Variants in TBC1D5 observed in about 807,000 individuals in gnomAD.
TBC1D5 encodes the protein TBC1 domain family, member 5.
In TBC1D5, 75 loss-of-function variants were observed where a neutral mutation model predicts 100.3. The observed-to-expected ratio is 0.75, with a 90% CI of 0.62 to 0.91. TBC1D5 has a LOEUF of 0.91. Among genes scored for constraint, TBC1D5 ranks in the 40% least tolerant of loss-of-function variants. The pLI, the probability that TBC1D5 is intolerant of heterozygous loss-of-function variation, is 0.00. For synonymous variants in TBC1D5, 323 were observed against 325.6 expected (o/e 0.99, Z 0.09); for missense variants, 910 against 942.4 (o/e 0.97, Z 0.45).
At chr3:17,653,358 AC>A in intron 1 of TBC1D5, among the ~76,000 whole-genome samples, 1 of 152,200 alleles carries the variant, frequency 6.6e-6, no homozygotes, top group Non-Finnish European at 1.5e-5. Flanking sequence ...CAGTAATAAG[AC>A]ATCATTTACC....
At chr3:17,186,867 AG>A (rs2069186663) in intron 18 of TBC1D5, among the ~76,000 whole-genome samples, 1 of 152,082 alleles carries the variant, frequency 6.6e-6, no homozygotes, top group African/African-American at 2.4e-5. Context: ...CTGCAAGTGT[AG>A]CAGCCTCTCC....
chr3:17,356,975 G>A (rs1053970483), intron 13 of TBC1D5, among the ~76,000 whole-genome samples: 4 of 141,384 alleles, frequency 2.8e-5, no homozygotes, highest in Non-Finnish European at 6.1e-5. Context: ...GTTGTGGGGA[G>A]ATAATCACTG....
chr3:17,361,691 G>A (rs1411257146), intron 13 of TBC1D5, among the ~76,000 whole-genome samples: 1 of 151,966 alleles, frequency 6.6e-6, no homozygotes, highest in African/African-American at 2.4e-5. Context: ...ATCTTGAGCT[G>A]AAGAAAAATA....
chr3:17,635,853 G>C (rs1034050120), intron 1 of TBC1D5, among the ~76,000 whole-genome samples: 53 of 152,094 alleles, frequency 3.5e-4, no homozygotes, highest in African/African-American at 1.3e-3. Flanking sequence ...CTGCCAAAAT[G>C]AACAAAGAAA....
chr3:17,603,050 G>A (rs2061087286), intron 2 of TBC1D5, among the ~76,000 whole-genome samples: 1 of 151,814 alleles, frequency 6.6e-6, no homozygotes, highest in South Asian at 2.1e-4. Flanking sequence ...TTAAATAATA[G>A]CAAACTTCCC....
intron 1 of TBC1D5, among the ~76,000 whole-genome samples, chr3:17,685,324 A>C (rs1450790377): frequency 1.3e-5 from 2 of 152,094 alleles, no homozygotes; most frequent in Admixed American, 1.3e-4. Context: ...TCTAAAAGCA[A>C]TAAACTCAAA....
At chr3:17,424,801 CTA>C (rs1278195650) in intron 4 of TBC1D5, among the ~76,000 whole-genome samples, 10 of 152,040 alleles carry the variant, frequency 6.6e-5, no homozygotes, top group Admixed American at 4.6e-4. Flanking sequence ...AAAAAAAAGT[CTA>C]TGAGTATTAG....
chr3:17,650,385 G>A (rs2065428726), intron 1 of TBC1D5, among the ~76,000 whole-genome samples: 1 of 152,064 alleles, frequency 6.6e-6, no homozygotes, highest in Non-Finnish European at 1.5e-5. Flanking sequence ...AGAAATGGCT[G>A]GATTCTAATA....
At chr3:17,627,160 T>TA (rs2063126460) in intron 1 of TBC1D5, among the ~76,000 whole-genome samples, 1 of 151,994 alleles carries the variant, frequency 6.6e-6, no homozygotes, top group African/African-American at 2.4e-5. Context: ...ACTAATGAGA[T>TA]ATAATGGGTA....
At chr3:17,488,692 C>G (rs1444853319) in intron 3 of TBC1D5, among the ~76,000 whole-genome samples, 1 of 152,040 alleles carries the variant, frequency 6.6e-6, no homozygotes, top group Non-Finnish European at 1.5e-5. Flanking sequence ...ATAGTGGTAT[C>G]TTGGTGTTAT....
chr3:17,498,843 G>A (rs972734326), intron 3 of TBC1D5, among the ~76,000 whole-genome samples: 6 of 152,214 alleles, frequency 3.9e-5, no homozygotes, highest in Non-Finnish European at 7.4e-5. Flanking sequence ...TCAAGTACAT[G>A]TAAGGAGAAT....
At chr3:17,742,365 G>A (rs1201540336), upstream of TBC1D5, 5 of 153,244 alleles carry the variant, frequency 3.3e-5, no homozygotes, top group Admixed American at 6.5e-5. Context: ...AACCTGTCCT[G>A]AGGCTGAGTG....
chr3:17,543,885 T>TC (rs2096385759), intron 2 of TBC1D5, among the ~76,000 whole-genome samples: 1 of 151,838 alleles, frequency 6.6e-6, no homozygotes, highest in African/African-American at 2.4e-5. Flanking sequence ...TTCTTTTTTT[T>TC]TGAGACAGAG....
chr3:17,467,310 T>C (rs1354208458), intron 3 of TBC1D5, among the ~76,000 whole-genome samples: 53 of 150,088 alleles, frequency 3.5e-4, no homozygotes, highest in Non-Finnish European at 5.5e-4. Flanking sequence ...TTTTTGATCT[T>C]TTTTTTATTA....
upstream of TBC1D5, chr3:17,742,375 G>A (rs2077550355): frequency 1.3e-5 from 2 of 153,160 alleles, no homozygotes; most frequent in Non-Finnish European, 2.9e-5. Flanking sequence ...GAGGCTGAGT[G>A]GGAGGCCGGG....
intron 18 of TBC1D5, among the ~76,000 whole-genome samples, chr3:17,212,294 G>A (rs2073076212): frequency 6.6e-6 from 1 of 152,032 alleles, no homozygotes; most frequent in South Asian, 2.1e-4. Flanking sequence ...AAATTCTATT[G>A]GCTAGTGACA....
chr3:17,712,882 AGCTTATCACTG>A (rs2074875873), intron 1 of TBC1D5, among the ~76,000 whole-genome samples: 2 of 152,356 alleles, frequency 1.3e-5, no homozygotes, highest in African/African-American at 4.8e-5. Context: ...AGCAGATACC[AGCTTATCACTG>A]GCTATACATA....
chr3:17,681,994 T>C (rs541128104), intron 1 of TBC1D5, among the ~76,000 whole-genome samples: 1 of 151,584 alleles, frequency 6.6e-6, no homozygotes, highest in African/African-American at 2.4e-5. Context: ...ATCTAACTAA[T>C]GCTTGATGAT....
intron 1 of TBC1D5, among the ~76,000 whole-genome samples, chr3:17,673,554 A>G (rs1206029340): frequency 6.6e-6 from 1 of 151,772 alleles, no homozygotes; most frequent in Non-Finnish European, 1.5e-5. Flanking sequence ...GGCTCAAGCA[A>G]TCTGCCTGCC....
Sources: gnomAD v4.1 joint callset for allele counts (sites outside exome capture counted in the v4.1 genomes callset) on GRCh38, gnomAD v4.1.1 for gene constraint, MANE v1.5 for transcripts, NCBI Gene and HGNC (gene_info 2026-07-23, HGNC 2026-07-21) for gene names.